SLMAP: variants seen among roughly 807,000 people sequenced by gnomAD.
SLMAP encodes sarcolemma associated protein, also known as sarcolemmal membrane-associated protein.
A neutral mutation model predicts 128.8 loss-of-function variants in SLMAP; 44 were observed. The observed-to-expected ratio is 0.34, with a 90% CI of 0.27 to 0.44. SLMAP has a LOEUF of 0.44. Ranked by LOEUF, SLMAP falls within the 20% of genes least tolerant of loss-of-function variation. The pLI is 1.00. For missense variants in SLMAP, 787 were observed against 985.3 expected (o/e 0.80, Z 2.69); for synonymous variants, 327 against 348.8 (o/e 0.94, Z 0.70).
chr3:57,757,879 G>T, intron 2 of SLMAP, 30 bp downstream of exon 2: 1 of 1,607,938 alleles, frequency 6.2e-7, no homozygotes, highest in South Asian at 1.1e-5. Flanking sequence ...CAGCGGCATT[G>T]TTTAACAAAC....
chr3:57,861,826 A>G, intron 9 of SLMAP, 123 bp from the exon 10 acceptor site: 1 of 759,502 alleles, frequency 1.3e-6, no homozygotes, highest in South Asian at 1.7e-5. Flanking sequence ...TTTAAAGTCC[A>G]GGGCAGATGT....
chr3:57,790,873 CAT>C (rs1342321892), intron 2 of SLMAP, among the ~76,000 whole-genome samples: 76 of 151,976 alleles, frequency 5.0e-4, no homozygotes, highest in African/African-American at 1.8e-3. Flanking sequence ...AAAGGGGTCA[CAT>C]AAAATAATTT....
intron 2 of SLMAP, among the ~76,000 whole-genome samples, chr3:57,760,435 A>G (rs1371001643): frequency 2.6e-5 from 4 of 152,128 alleles, no homozygotes; most frequent in Non-Finnish European, 2.9e-5. Flanking sequence ...AGATCTTACC[A>G]TGTCATTGAA....
intron 17 of SLMAP, among the ~76,000 whole-genome samples, chr3:57,906,219 C>T (rs1406716166): frequency 1.3e-5 from 2 of 150,994 alleles, no homozygotes; most frequent in African/African-American, 2.4e-5. Context: ...TCTCTACATG[C>T]CCCTTCCCTG....
chr3:57,759,443 A>G (rs149538271), intron 2 of SLMAP, among the ~76,000 whole-genome samples: 91 of 152,146 alleles, frequency 6.0e-4, no homozygotes, highest in Non-Finnish European at 1.1e-3. Flanking sequence ...ATGCCTGGTT[A>G]ATTTTGTATT....
chr3:57,836,906 C>T (rs1159577188), intron 3 of SLMAP, among the ~76,000 whole-genome samples: 1 of 152,210 alleles, frequency 6.6e-6, no homozygotes, highest in African/African-American at 2.4e-5. Context: ...GTAACCCTCT[C>T]TTGCAAAGCT....
intron 2 of SLMAP, among the ~76,000 whole-genome samples, chr3:57,761,710 G>T (rs1204887140): frequency 2.6e-5 from 4 of 152,270 alleles, no homozygotes; most frequent in South Asian, 2.1e-4. Context: ...TCACTTTGTG[G>T]TGACTGTTGC....
At chr3:57,845,844 C>CA (rs771887935) in intron 4 of SLMAP, among the ~76,000 whole-genome samples, 73 of 151,810 alleles carry the variant, frequency 4.8e-4, no homozygotes, top group Non-Finnish European at 8.8e-4. Flanking sequence ...ATCTCCCCCC[C>CA]ACCTTTTTTT....
chr3:57,781,210 C>A (rs946980826), intron 2 of SLMAP, among the ~76,000 whole-genome samples: 6 of 151,556 alleles, frequency 4.0e-5, no homozygotes, highest in African/African-American at 1.5e-4. Flanking sequence ...CAGAGTGAGA[C>A]CCTCTCAAAA....
At chr3:57,880,434 C>T (rs1284810146) in intron 14 of SLMAP, among the ~76,000 whole-genome samples, 3 of 152,048 alleles carry the variant, frequency 2.0e-5, no homozygotes, top group Non-Finnish European at 2.9e-5. Flanking sequence ...AACTCCTGAC[C>T]TCAGGTGATC....
At chr3:57,776,423 T>A (rs180951286) in intron 2 of SLMAP, among the ~76,000 whole-genome samples, 1 of 152,142 alleles carries the variant, frequency 6.6e-6, no homozygotes, top group African/African-American at 2.4e-5. Context: ...AAATCAGAAT[T>A]GAGTGATAGA....
Position 57,907,992 on chromosome 3 carries a change from G to A in SLMAP, c.1610G>A (p.Cys537Tyr). Residue 537 changes from cysteine to tyrosine, a missense_variant, in exon 18 of 25, where the codon TGC becomes TAC. Physicochemically the swap from Cys to Tyr is radical, Grantham distance 194. This residue lies in a region of SLMAP where 715 missense variants were observed against 843.6 expected (regional missense o/e 0.85). Coordinates refer to ENST00000671191, the MANE Select transcript of SLMAP (RefSeq NM_001377540.1). ...QELARTSKQK[C>Y]FELQALLEEE... ...CTAGCTAGAACAAGTAAACAAAAAT[G>A]CTTTGAACTTCAAGGTGAGATCAAG... 1 of 1,613,450 alleles carries A rather than the reference G, an allele frequency of 6.2e-7. No individual in the cohort carries two copies. The highest frequency in any genetic ancestry group is 8.5e-7 in the Non-Finnish European group (1 of 1,179,608).
chr3:57,917,171 G>A, intron 22 of SLMAP, 94 bp downstream of exon 22: 1 of 1,577,228 alleles, frequency 6.3e-7, no homozygotes, highest in Non-Finnish European at 8.6e-7. Flanking sequence ...AAGGGAAGCA[G>A]AAGTCACATT....
Position 57,864,601 on chromosome 3 carries a change from A to G in SLMAP, c.1020A>G (p.Lys340=), listed in dbSNP as rs2153604765. The change falls in exon 11 of 25, where the codon AAA becomes AAG. Residue 340 remains lysine, a synonymous_variant. Coordinates refer to ENST00000671191, the MANE Select transcript of SLMAP (RefSeq NM_001377540.1). ...EIQQKGQAEK[K]ELQHKIDEME... The stretch of plus-strand genomic sequence containing the variant: ...AACAGAAGGGACAGGCTGAGAAAAA[A>G]GAATTACAACATAAAATAGATGAAA... 1 of 1,592,138 alleles carries G rather than the reference A, an allele frequency of 6.3e-7. No individual in the cohort carries two copies. The highest frequency in any genetic ancestry group is 2.2e-5 in the East Asian group (1 of 44,622).
intron 17 of SLMAP, among the ~76,000 whole-genome samples, chr3:57,904,884 T>C (rs1231733479): frequency 1.3e-5 from 2 of 151,924 alleles, no homozygotes; most frequent in Non-Finnish European, 2.9e-5. Context: ...TGGTGCAACA[T>C]AGCAAGACCC....
At position 57,927,222 on chromosome 3, in the gene SLMAP, T is replaced by C. The variant is rs1162185804; in HGVS notation, c.*7-74T>C. ...ATTCTGTTAAGTATTCAGGACTCTC[T>C]GGAACCAAGGGGTTAATAGGTATGA... On this transcript the variant is annotated intron_variant, in intron 24 of 24. Coordinates refer to ENST00000671191, the MANE Select transcript of SLMAP (RefSeq NM_001377540.1). 5 of 878,238 alleles carry C rather than the reference T, an allele frequency of 5.7e-6. No individual in the cohort carries two copies. In the Admixed American group the frequency reaches 8.2e-5, roughly 14 times the overall value. 54.4% of individuals were successfully genotyped at this position (878,238 alleles called of 1,614,324 possible).
intron 4 of SLMAP, 80 bp downstream of exon 4, chr3:57,841,451 T>C: frequency 1.3e-6 from 1 of 746,568 alleles, no homozygotes; most frequent in South Asian, 1.9e-5. Context: ...TAGGTGATGG[T>C]GTACTGCTAA....
At chr3:57,782,735 A>T (rs145462576) in intron 2 of SLMAP, among the ~76,000 whole-genome samples, 4 of 152,324 alleles carry the variant, frequency 2.6e-5, no homozygotes, top group African/African-American at 9.6e-5. Context: ...GGCCTCCCAA[A>T]GTGCTGGGAT....
chr3:57,896,425 TTTTGAGCA>T lies in SLMAP; in HGVS notation c.1361-83_1361-76del, dbSNP rs549889587. ...TAAAAGTACTTTGCGTACCTGTAGA[TTTTGAGCA>T]TTCATAGCCTGAAGCAGTTTTATTG... On this transcript the variant is annotated intron_variant, in intron 15 of 24. Transcript: ENST00000671191. The T allele has an allele frequency of 4.0e-4, 577 of 1,452,402 alleles. 12 individuals are homozygous for T. The South Asian group carries it at 7.5e-3, about 19-fold the overall frequency. 90.0% of individuals were successfully genotyped at this position (1,452,402 alleles called of 1,614,324 possible).
Sources: gnomAD v4.1 joint callset for allele counts (sites outside exome capture counted in the v4.1 genomes callset) on GRCh38, gnomAD v4.1.1 for gene constraint, gnomAD v4.1.1 regional missense constraint, MANE v1.5 for transcripts, NCBI Gene and HGNC (gene_info 2026-07-23, HGNC 2026-07-21) for gene names.